The following PRKG1 variants were observed in gnomAD, a reference collection of about 807,000 sequenced individuals.
The protein encoded by PRKG1 is cGMP-dependent protein kinase 1.
PRKG1 carries 35 observed loss-of-function variants against 88.1 expected under a neutral mutation model. That is an observed-to-expected ratio of 0.40 (90% CI 0.30 to 0.53). PRKG1 has a LOEUF of 0.53. PRKG1 is among the 20% of genes least tolerant of loss of function. PRKG1 has a pLI of 0.59. For synonymous variants in PRKG1, 303 were observed against 292.5 expected (o/e 1.04, Z -0.37); for missense variants, 540 against 839.8 (o/e 0.64, Z 4.41).
chr10:52,166,633 C>G (rs534750853), intron 9 of PRKG1, among the ~76,000 whole-genome samples: 66 of 148,362 alleles, frequency 4.4e-4, no homozygotes, highest in South Asian at 2.8e-3. Flanking sequence ...TATATTGAAG[C>G]CTTGCCTTAT....
rs557537239 is a variant in PRKG1 at position 51,445,900 on chromosome 10, C to T, written c.479-21823C>T. On this transcript the variant is annotated intron_variant, in intron 2 of 17. Transcript: ENST00000373980. ...GCTCATCTCTCTGAAGAAATATCTT[C>T]GCATTAACCTCTAAACCCTGCTCAA... Among the ~76,000 whole-genome samples the T allele has an allele frequency of 6.6e-4, 101 of 151,918 alleles. 1 individual carries two copies. The highest frequency in any genetic ancestry group is 4.3e-4 in the Non-Finnish European group (29 of 67,888).
intron 2 of PRKG1, among the ~76,000 whole-genome samples, chr10:51,212,952 A>G (rs1838265822): frequency 6.6e-6 from 1 of 152,216 alleles, no homozygotes; most frequent in Non-Finnish European, 1.5e-5. Context: ...TGACCCAGCC[A>G]TGCCATTACT....
rs138910667 is a variant in PRKG1 at position 51,443,348 on chromosome 10, T to G, written c.479-24375T>G. 8.0e-3 allele frequency among the ~76,000 whole-genome samples: 1,212 copies of G among 152,160 alleles called. 7 individuals are homozygous for G. Among genetic ancestry groups the G allele is most frequent in the Non-Finnish European group, 0.01 (701 of 67,978 alleles). The stretch of plus-strand genomic sequence containing the variant: ...CAGATACCATATGGCCTGCAAAACT[T>G]TAAAATATTTACTCTCTGGCCCTTT... On this transcript the variant is annotated intron_variant, in intron 2 of 17. Transcript: ENST00000373980.
At chr10:51,609,005 G>A (rs1428826241) in intron 3 of PRKG1, among the ~76,000 whole-genome samples, 1 of 151,990 alleles carries the variant, frequency 6.6e-6, no homozygotes, top group Middle Eastern at 3.2e-3. Context: ...TTACTAAACA[G>A]TCAGAAAGTT....
intron 1 of PRKG1, among the ~76,000 whole-genome samples, chr10:51,059,883 T>G (rs1478559329): frequency 6.6e-6 from 1 of 152,210 alleles, no homozygotes; most frequent in African/African-American, 2.4e-5. Flanking sequence ...TCTGCCTGCC[T>G]AGGTCTATCA....
chr10:51,730,954 G>A (rs1156391343), intron 3 of PRKG1, among the ~76,000 whole-genome samples: 4 of 152,202 alleles, frequency 2.6e-5, no homozygotes, highest in South Asian at 2.1e-4. Context: ...TCAGGAGTTC[G>A]AGACTAGCCT....
intron 3 of PRKG1, among the ~76,000 whole-genome samples, chr10:51,498,911 GAA>G (rs112553242): frequency 5.0e-5 from 7 of 139,384 alleles, no homozygotes; most frequent in Admixed American, 7.1e-5. Context: ...TACTCTGTCA[GAA>G]AAAAAAAAAA....
intron 3 of PRKG1, among the ~76,000 whole-genome samples, chr10:51,621,699 T>G (rs930014488): frequency 4.6e-5 from 7 of 152,206 alleles, no homozygotes; most frequent in African/African-American, 1.7e-4. Context: ...ATTCTGTCAA[T>G]TTTATTTCTG....
intron 2 of PRKG1, among the ~76,000 whole-genome samples, chr10:51,365,583 T>A (rs1842572077): frequency 6.6e-6 from 1 of 151,966 alleles, no homozygotes; most frequent in Non-Finnish European, 1.5e-5. Flanking sequence ...TTGTTTCTGT[T>A]TATTTCTAAC....
At chr10:51,041,944 T>C (rs138185392) in intron 1 of PRKG1, among the ~76,000 whole-genome samples, 1 of 152,312 alleles carries the variant, frequency 6.6e-6, no homozygotes, top group Non-Finnish European at 1.5e-5. Context: ...GTACTTGTTA[T>C]TGAGTGGGAC....
intron 6 of PRKG1, among the ~76,000 whole-genome samples, chr10:52,056,442 A>G (rs1589564413): frequency 6.6e-6 from 1 of 152,204 alleles, no homozygotes; most frequent in Non-Finnish European, 1.5e-5. Flanking sequence ...TGCAAATTTT[A>G]CTGCCTAAAA....
At chr10:51,257,039 G>C (rs987886118) in intron 2 of PRKG1, among the ~76,000 whole-genome samples, 1 of 152,074 alleles carries the variant, frequency 6.6e-6, no homozygotes. Flanking sequence ...GATAAATTTT[G>C]AAGAATTGAC....
At chr10:51,669,388 T>C (rs1327033485) in intron 3 of PRKG1, among the ~76,000 whole-genome samples, 1 of 152,198 alleles carries the variant, frequency 6.6e-6, no homozygotes, top group African/African-American at 2.4e-5. Context: ...AATGACCTAA[T>C]TTAACCTTAT....
chr10:52,125,376 T>C (rs904501972), intron 7 of PRKG1, among the ~76,000 whole-genome samples: 1 of 152,142 alleles, frequency 6.6e-6, no homozygotes, highest in African/African-American at 2.4e-5. Context: ...AACTCCACCG[T>C]TGGGTCTTAA....
At chr10:51,702,749 TG>T (rs925759468) in intron 3 of PRKG1, among the ~76,000 whole-genome samples, 5 of 151,938 alleles carry the variant, frequency 3.3e-5, no homozygotes, top group Non-Finnish European at 7.4e-5. Context: ...CAGGCTGGAG[TG>T]CGATGGCGTG....
intron 5 of PRKG1, among the ~76,000 whole-genome samples, chr10:52,001,070 G>A (rs781066420): frequency 2.5e-4 from 37 of 150,958 alleles, no homozygotes; most frequent in Admixed American, 2.0e-3. Context: ...TTTTTTTTTC[G>A]ATTCCACATT....
chr10:51,270,488 A>G (rs1420946690), intron 2 of PRKG1, among the ~76,000 whole-genome samples: 2 of 152,108 alleles, frequency 1.3e-5, no homozygotes, highest in Non-Finnish European at 2.9e-5. Context: ...TTTCCAAGCC[A>G]TTCACTAAAA....
chr10:51,296,181 C>A (rs1840716122), intron 2 of PRKG1, among the ~76,000 whole-genome samples: 1 of 151,972 alleles, frequency 6.6e-6, no homozygotes, highest in Non-Finnish European at 1.5e-5. Context: ...ATGGTCCTGG[C>A]CTCATAAGAT....
chr10:52,175,447 A>G (rs1438411966), intron 9 of PRKG1, among the ~76,000 whole-genome samples: 1 of 152,136 alleles, frequency 6.6e-6, no homozygotes, highest in African/African-American at 2.4e-5. Context: ...TAGTACTGCA[A>G]TAAACATGGG....
Sources: gnomAD v4.1 joint callset for allele counts (sites outside exome capture counted in the v4.1 genomes callset) on GRCh38, gnomAD v4.1.1 for gene constraint, MANE v1.5 for transcripts, NCBI Gene and HGNC (gene_info 2026-07-23, HGNC 2026-07-21) for gene names.